Variants in FRMD4A observed in about 807,000 individuals in gnomAD.
FRMD4A encodes the protein FERM domain-containing protein 4A.
Under a neutral mutation model 129.1 loss-of-function variants are expected in FRMD4A, and 29 were observed. That is an observed-to-expected ratio of 0.22 (90% CI 0.17 to 0.31). The LOEUF (loss-of-function observed/expected upper bound fraction) is 0.31, where lower values mean the gene tolerates loss of function less well. Among genes scored for constraint, FRMD4A ranks in the 10% least tolerant of loss-of-function variants. FRMD4A has a pLI of 1.00. For synonymous variants in FRMD4A, 634 were observed against 571.6 expected (o/e 1.11, Z -1.56); for missense variants, 1,272 against 1,375.8 (o/e 0.92, Z 1.19).
At chr10:14,031,562 A>G (rs1196913780) in intron 2 of FRMD4A, among the ~76,000 whole-genome samples, 2 of 152,142 alleles carry the variant, frequency 1.3e-5, no homozygotes, top group East Asian at 3.9e-4. Flanking sequence ...CCAGCCTTAC[A>G]GATGTTTTTT....
At chr10:14,023,644 C>A (rs1167213402) in intron 2 of FRMD4A, among the ~76,000 whole-genome samples, 2 of 152,160 alleles carry the variant, frequency 1.3e-5, no homozygotes, top group Admixed American at 1.3e-4. Context: ...CAACAGAAAA[C>A]CCTGAGAAAA....
intron 2 of FRMD4A, among the ~76,000 whole-genome samples, chr10:14,324,651 C>CTATTTATTTATTTATT (rs10562916): frequency 0.017 from 2,508 of 151,252 alleles, 30 homozygotes; most frequent in Non-Finnish European, 0.021. Context: ...TATCTTAATG[C>CTATTTATTTATTTATT]TATTTATTTA....
chr10:13,733,776 G>A (rs776442502), intron 12 of FRMD4A, among the ~76,000 whole-genome samples: 1 of 152,172 alleles, frequency 6.6e-6, no homozygotes, highest in Non-Finnish European at 1.5e-5. Context: ...ATTTCTTAAG[G>A]AGGGCCCCAA....
intron 2 of FRMD4A, among the ~76,000 whole-genome samples, chr10:13,990,558 C>T (rs1383373486): frequency 6.6e-6 from 1 of 152,178 alleles, no homozygotes; most frequent in Non-Finnish European, 1.5e-5. Flanking sequence ...CTGGTTAACT[C>T]TCTCCAGGAT....
In FRMD4A at chr10:14,222,570, A is replaced by G. The variant is rs559904808; in HGVS notation, c.45+107488T>C. ...AAATCAAGAGTAGGAACAGATACTT[A>G]GAAATTAGAAGCTACTTCTTACAAA... On this transcript the variant is annotated intron_variant, in intron 2 of 24. Coordinates refer to ENST00000357447, the MANE Select transcript of FRMD4A (RefSeq NM_018027.5). Among the ~76,000 whole-genome samples the G allele has an allele frequency of 7.9e-5, 12 of 152,342 alleles. No individual in the cohort carries two copies. In the South Asian group the frequency reaches 2.5e-3, roughly 32 times the overall value.
chr10:14,051,181 C>T (rs11258834), intron 2 of FRMD4A, among the ~76,000 whole-genome samples: 62,152 of 152,092 alleles, frequency 0.41, 13,865 homozygotes, highest in Middle Eastern at 0.52. Flanking sequence ...CCTTTCGATG[C>T]TCTCTTTCTC....
intron 2 of FRMD4A, among the ~76,000 whole-genome samples, chr10:13,914,937 C>T (rs1589257030): frequency 6.6e-6 from 1 of 152,198 alleles, no homozygotes; most frequent in East Asian, 1.9e-4. Context: ...TTGCGTGAGC[C>T]CATGAGTTGG....
chr10:14,038,537 C>G (rs1208466501), intron 2 of FRMD4A, among the ~76,000 whole-genome samples: 1 of 152,066 alleles, frequency 6.6e-6, no homozygotes, highest in African/African-American at 2.4e-5. Context: ...TAGGCAAGCC[C>G]CCAAAAGATT....
chr10:14,053,198 G>C (rs1565214387), intron 2 of FRMD4A, among the ~76,000 whole-genome samples: 1 of 152,184 alleles, frequency 6.6e-6, no homozygotes, highest in Admixed American at 6.5e-5. Flanking sequence ...GTTAATAACT[G>C]TGAGGAAAAG....
chr10:13,983,602 G>A (rs1003032222), intron 2 of FRMD4A, among the ~76,000 whole-genome samples: 3 of 152,024 alleles, frequency 2.0e-5, no homozygotes, highest in Admixed American at 2.0e-4. Flanking sequence ...TTGAGGTATT[G>A]GTTATTTCCC....
chr10:13,961,144 T>C (rs781625445), intron 2 of FRMD4A, among the ~76,000 whole-genome samples: 1 of 152,160 alleles, frequency 6.6e-6, no homozygotes, highest in Non-Finnish European at 1.5e-5. Context: ...AACGGTATGC[T>C]CTCTCTCAAT....
At chr10:13,914,721 A>G (rs2094980439) in intron 2 of FRMD4A, among the ~76,000 whole-genome samples, 2 of 152,208 alleles carry the variant, frequency 1.3e-5, no homozygotes, top group South Asian at 4.1e-4. Flanking sequence ...CAAAACCCAT[A>G]CAACCTGAAT....
At chr10:13,702,957 T>C (rs576858976) in intron 13 of FRMD4A, among the ~76,000 whole-genome samples, 1 of 147,154 alleles carries the variant, frequency 6.8e-6, no homozygotes, top group East Asian at 2.0e-4. Flanking sequence ...AGCACACAGT[T>C]GAAAATAATT....
intron 2 of FRMD4A, among the ~76,000 whole-genome samples, chr10:14,165,544 C>T (rs184414722): frequency 2.0e-5 from 3 of 152,114 alleles, no homozygotes; most frequent in Non-Finnish European, 2.9e-5. Context: ...ATCATTCTAC[C>T]GAAAAGACAC....
intron 2 of FRMD4A, among the ~76,000 whole-genome samples, chr10:14,212,312 T>C (rs1183286078): frequency 5.9e-5 from 9 of 152,168 alleles, no homozygotes; most frequent in Admixed American, 5.9e-4. Context: ...CTTAGACCTT[T>C]TGTTTCTAGG....
intron 2 of FRMD4A, among the ~76,000 whole-genome samples, chr10:13,884,599 C>A (rs1003015049): frequency 6.6e-6 from 1 of 152,132 alleles, no homozygotes; most frequent in African/African-American, 2.4e-5. Context: ...TCTGTCTTTT[C>A]TTCCTTCCCT....
At chr10:13,819,944 G>C (rs567932503) in intron 3 of FRMD4A, among the ~76,000 whole-genome samples, 1 of 152,262 alleles carries the variant, frequency 6.6e-6, no homozygotes, top group East Asian at 1.9e-4. Context: ...GGCTGGTCTC[G>C]AACTCCTGAG....
intron 2 of FRMD4A, among the ~76,000 whole-genome samples, chr10:14,237,240 TAGG>T (rs1843856961): frequency 6.6e-6 from 1 of 152,050 alleles, no homozygotes; most frequent in African/African-American, 2.4e-5. Flanking sequence ...GATATGGGGT[TAGG>T]AGATGTGTGC....
At chr10:14,076,472 C>G (rs531782397) in intron 2 of FRMD4A, among the ~76,000 whole-genome samples, 2 of 152,022 alleles carry the variant, frequency 1.3e-5, no homozygotes, top group Non-Finnish European at 2.9e-5. Flanking sequence ...GACCCTGTCT[C>G]TACTAAAAAT....
Sources: allele counts gnomAD v4.1 joint callset (sites outside exome capture counted in the v4.1 genomes callset), GRCh38; gene constraint gnomAD v4.1.1; transcripts MANE v1.5; gene names NCBI Gene and HGNC (gene_info 2026-07-23, HGNC 2026-07-21).